GPC5: variants seen among roughly 807,000 people sequenced by gnomAD.
GPC5 encodes glypican-5.
A neutral mutation model predicts 53.9 loss-of-function variants in GPC5; 47 were observed. The ratio of observed to expected loss-of-function variants is 0.87; its 90% CI spans 0.69 to 1.11. The LOEUF (loss-of-function observed/expected upper bound fraction) is 1.11, where lower values mean the gene tolerates loss of function less well. GPC5 is among the 50% of genes most tolerant of loss of function. The pLI is 0.00. For synonymous variants in GPC5, 286 were observed against 263.3 expected, an observed-to-expected ratio of 1.09 and a Z score of -0.84; for missense variants, 748 against 713.1, an observed-to-expected ratio of 1.05 and a Z score of -0.56.
intron 2 of GPC5, among the ~76,000 whole-genome samples, chr13:91,657,838 G>A (rs1246353501): frequency 2.0e-5 from 3 of 152,054 alleles, no homozygotes; most frequent in Non-Finnish European, 2.9e-5. Flanking sequence ...ACTCAGTTAC[G>A]CATACATGTA....
At chr13:91,788,121 C>A (rs1265884751) in intron 5 of GPC5, among the ~76,000 whole-genome samples, 3 of 152,164 alleles carry the variant, frequency 2.0e-5, no homozygotes, top group Non-Finnish European at 2.9e-5. Flanking sequence ...TGACTTAAAA[C>A]AACAAATATT....
At chr13:92,290,210 GTAAT>G (rs1354279731) in intron 7 of GPC5, among the ~76,000 whole-genome samples, 1 of 152,144 alleles carries the variant, frequency 6.6e-6, no homozygotes. Context: ...TACGTAGTTG[GTAAT>G]TGATTATGCA....
At chr13:92,011,787 T>C (rs1464693612) in intron 6 of GPC5, among the ~76,000 whole-genome samples, 2 of 152,232 alleles carry the variant, frequency 1.3e-5, no homozygotes, top group Non-Finnish European at 2.9e-5. Flanking sequence ...TGCTTATCAG[T>C]ATATTACTAT....
intron 4 of GPC5, among the ~76,000 whole-genome samples, chr13:91,733,113 G>A (rs917166808): frequency 6.6e-6 from 1 of 152,110 alleles, no homozygotes; most frequent in Non-Finnish European, 1.5e-5. Context: ...ACTTTGGGCA[G>A]TATGGCCATT....
At chr13:92,294,835 T>C (rs1000230278) in intron 7 of GPC5, among the ~76,000 whole-genome samples, 7 of 145,748 alleles carry the variant, frequency 4.8e-5, no homozygotes, top group African/African-American at 1.8e-4. Context: ...TCTTTTTTTT[T>C]TTTTTTTTTC....
chr13:91,601,920 T>C (rs1471605689), intron 2 of GPC5, among the ~76,000 whole-genome samples: 1 of 152,214 alleles, frequency 6.6e-6, no homozygotes, highest in African/African-American at 2.4e-5. Flanking sequence ...AACCAGTCAC[T>C]GTTGCCAAAA....
intron 7 of GPC5, among the ~76,000 whole-genome samples, chr13:92,378,087 A>G (rs1022486569): frequency 5.3e-5 from 8 of 152,134 alleles, no homozygotes; most frequent in African/African-American, 1.9e-4. Context: ...GTTTGAAAAT[A>G]TAGCCACCAG....
At chr13:92,218,732 A>T (rs1296947407) in intron 7 of GPC5, among the ~76,000 whole-genome samples, 1 of 152,206 alleles carries the variant, frequency 6.6e-6, no homozygotes, top group Non-Finnish European at 1.5e-5. Flanking sequence ...GAAATTGTAG[A>T]TCAAGCCCAG....
At chr13:92,440,317 A>G (rs544259663) in intron 7 of GPC5, among the ~76,000 whole-genome samples, 3 of 152,124 alleles carry the variant, frequency 2.0e-5, no homozygotes, top group South Asian at 2.1e-4. Flanking sequence ...TAAGGGCCCA[A>G]TGTTTAGCTC....
chr13:91,901,924 A>G (rs2039501782), intron 5 of GPC5, among the ~76,000 whole-genome samples: 1 of 152,016 alleles, frequency 6.6e-6, no homozygotes, highest in Non-Finnish European at 1.5e-5. Flanking sequence ...CAACCACAAC[A>G]TGGCCCCCAT....
intron 5 of GPC5, among the ~76,000 whole-genome samples, chr13:91,781,741 A>G (rs1239475494): frequency 1.3e-5 from 2 of 152,220 alleles, no homozygotes; most frequent in Non-Finnish European, 2.9e-5. Flanking sequence ...TCTTAAGTTT[A>G]AAGCATGTAG....
intron 3 of GPC5, among the ~76,000 whole-genome samples, chr13:91,720,386 A>C (rs1329469668): frequency 6.6e-6 from 1 of 152,136 alleles, no homozygotes; most frequent in South Asian, 2.1e-4. Flanking sequence ...TGAAACATTT[A>C]ATCATTTAAT....
intron 6 of GPC5, among the ~76,000 whole-genome samples, chr13:91,975,531 C>G (rs573834082): frequency 6.6e-6 from 1 of 152,224 alleles, no homozygotes; most frequent in African/African-American, 2.4e-5. Flanking sequence ...TGCTCATCAT[C>G]ACTGGCCATC....
intron 2 of GPC5, among the ~76,000 whole-genome samples, chr13:91,565,511 G>A (rs529997657): frequency 2.6e-5 from 4 of 152,284 alleles, no homozygotes; most frequent in South Asian, 2.1e-4. Context: ...TAAGGGAGCA[G>A]TTTGGGGAAG....
intron 7 of GPC5, among the ~76,000 whole-genome samples, chr13:92,299,999 C>T (rs1387029758): frequency 6.6e-6 from 1 of 152,132 alleles, no homozygotes; most frequent in Non-Finnish European, 1.5e-5. Flanking sequence ...ACCATTGTTA[C>T]TGTTTTTTAA....
At chr13:92,332,507 GT>G (rs1431097559) in intron 7 of GPC5, among the ~76,000 whole-genome samples, 3 of 152,072 alleles carry the variant, frequency 2.0e-5, no homozygotes, top group Admixed American at 6.6e-5. Context: ...TCAATCCTTA[GT>G]TTTCACAATT....
At chr13:92,822,970 G>C (rs1389232766) in intron 7 of GPC5, among the ~76,000 whole-genome samples, 1 of 150,304 alleles carries the variant, frequency 6.7e-6, no homozygotes, top group Non-Finnish European at 1.5e-5. Context: ...TTTTGAGAAA[G>C]TGTGAAAAAA....
chr13:92,503,778 T>C (rs189783141), intron 7 of GPC5, among the ~76,000 whole-genome samples: 2 of 152,018 alleles, frequency 1.3e-5, no homozygotes, highest in East Asian at 3.9e-4. Context: ...ATGAAATATA[T>C]TAATTCCTCA....
chr13:91,673,146 C>A (rs189181062), intron 2 of GPC5, among the ~76,000 whole-genome samples: 74 of 151,940 alleles, frequency 4.9e-4, no homozygotes, highest in African/African-American at 1.7e-3. Flanking sequence ...CAGCATGGCA[C>A]GCATATACCT....
Sources: allele counts gnomAD v4.1 joint callset (sites outside exome capture counted in the v4.1 genomes callset), GRCh38; gene constraint gnomAD v4.1.1; transcripts MANE v1.5; gene names NCBI Gene and HGNC (gene_info 2026-07-23, HGNC 2026-07-21).